The following OVOL2 variants were observed in gnomAD, a reference collection of about 807,000 sequenced individuals.
OVOL2 encodes transcription factor Ovo-like 2.
OVOL2 carries 13 observed loss-of-function variants against 18.1 expected under a neutral mutation model. That is an observed-to-expected ratio of 0.72 (90% confidence interval 0.47 to 1.14). The LOEUF is 1.14. OVOL2 is among the 50% of genes most tolerant of loss of function. OVOL2 has a pLI of 0.00. For synonymous variants in OVOL2, 166 were observed against 162.7 expected, an observed-to-expected ratio of 1.02 and a Z score of -0.16; for missense variants, 335 against 383.0, an observed-to-expected ratio of 0.87 and a Z score of 1.05.
At chr20:18,050,482 T>A (rs2036762485) in intron 2 of OVOL2, among the ~76,000 whole-genome samples, 1 of 152,232 alleles carries the variant, frequency 6.6e-6, no homozygotes, top group Admixed American at 6.5e-5. Flanking sequence ...TACCTTTCTC[T>A]GCTTAAACTA....
At chr20:18,049,171 T>C (rs2036749702) in intron 2 of OVOL2, among the ~76,000 whole-genome samples, 2 of 152,148 alleles carry the variant, frequency 1.3e-5, no homozygotes, top group Non-Finnish European at 1.5e-5. Context: ...ATGTGCAAAA[T>C]TCTCCTCAAG....
intron 3 of OVOL2, among the ~76,000 whole-genome samples, chr20:18,035,265 A>G (rs2122700076): frequency 6.6e-6 from 1 of 152,342 alleles, no homozygotes; most frequent in East Asian, 1.9e-4. Context: ...AGTCTGGCCA[A>G]CATGGTGAAA....
Position 18,057,732 on chromosome 20 carries a change from C to T in OVOL2, c.-98G>A, listed in dbSNP as rs1039390292. ...CGTCCCCGGCTCCCGGCGGCCAGAG[C>T]CCACCTTCCCGCCTCGCCTGCCCTC... On this transcript the variant is annotated 5_prime_UTR_variant, in exon 1 of 4. Coordinates refer to ENST00000278780, the MANE Select transcript of OVOL2 (RefSeq NM_021220.4). The surrounding 1 kb of genome is among the most constrained non-coding windows in gnomAD (Gnocchi z 6.3). 14 of 1,451,378 alleles carry T rather than the reference C, an allele frequency of 9.6e-6. No homozygotes were observed. Among genetic ancestry groups the T allele is most frequent in the Middle Eastern group, 2.2e-4 (1 of 4,596 alleles). The allele number at this position is 1,451,378 out of a possible 1,614,324, so 89.9% of individuals were successfully genotyped here.
intron 3 of OVOL2, among the ~76,000 whole-genome samples, chr20:18,038,271 A>G (rs1243684419): frequency 6.6e-6 from 1 of 152,198 alleles, no homozygotes; most frequent in Non-Finnish European, 1.5e-5. Context: ...TTGCAATTTT[A>G]CTACTAATAA....
intron 3 of OVOL2, among the ~76,000 whole-genome samples, chr20:18,041,043 G>A (rs983271071): frequency 1.3e-5 from 2 of 152,186 alleles, no homozygotes; most frequent in Non-Finnish European, 2.9e-5. Flanking sequence ...ATTTTACAGG[G>A]GTGAAAGGCA....
At chr20:18,039,657 AAGAGGAAAAC>A (rs1200447583) in intron 3 of OVOL2, among the ~76,000 whole-genome samples, 1 of 151,690 alleles carries the variant, frequency 6.6e-6, no homozygotes, top group Non-Finnish European at 1.5e-5. Flanking sequence ...AAAGTTTTAA[AAGAGGAAAAC>A]AGAAAAGAAC....
Position 18,041,739 on chromosome 20 carries a change from G to T in OVOL2, c.322-16C>A, listed in dbSNP as rs1270048810. 3.1e-6 allele frequency: 5 copies of T among 1,599,978 alleles called. No homozygotes were observed. The African/African-American group carries it at 4.0e-5, about 13-fold the overall frequency. ...CTGTGGTGAACTGGGGGCAGAGAGA[G>T]GCCATGAGGGTCCCCGGGCAGGCAG... On this transcript the variant is annotated splice_polypyrimidine_tract_variant and intron_variant, in intron 2 of 3. Transcript: ENST00000278780.
chr20:18,039,377 T>C (rs1211087347), intron 3 of OVOL2, among the ~76,000 whole-genome samples: 1 of 152,010 alleles, frequency 6.6e-6, no homozygotes, highest in Non-Finnish European at 1.5e-5. Context: ...ATTCCAGCAT[T>C]TTGGGAGGCC....
chr20:18,053,199 T>C (rs973322974), intron 2 of OVOL2, among the ~76,000 whole-genome samples: 5 of 152,206 alleles, frequency 3.3e-5, no homozygotes, highest in African/African-American at 9.7e-5. Context: ...GCCAACAAAA[T>C]GTTGGGCATT....
chr20:18,025,775 C>T (rs529629775), intron 3 of OVOL2, among the ~76,000 whole-genome samples: 90 of 152,338 alleles, frequency 5.9e-4, no homozygotes, highest in Non-Finnish European at 8.5e-4. Context: ...CGCAGGGAGA[C>T]AGTGTGGCAC....
At chr20:18,030,514 A>C (rs1328630336) in intron 3 of OVOL2, among the ~76,000 whole-genome samples, 1 of 152,156 alleles carries the variant, frequency 6.6e-6, no homozygotes, top group Admixed American at 6.6e-5. Context: ...ACTCAGCCCC[A>C]TGTGCACAGG....
chr20:18,057,446 C>T lies in OVOL2; in HGVS notation c.100+89G>A. On this transcript the variant is annotated intron_variant, in intron 1 of 3. Coordinates refer to ENST00000278780, the MANE Select transcript of OVOL2 (RefSeq NM_021220.4). The surrounding 1 kb of genome is among the most constrained non-coding windows in gnomAD (Gnocchi z 6.3). The stretch of plus-strand genomic sequence containing the variant: ...GGAAGAGGGGGATGAGGTGGGGAGC[C>T]CGCCCCTGCCGATGAGCAGAGAAGA... The T allele has an allele frequency of 6.9e-7, 1 of 1,441,210 alleles. No homozygotes were observed. Among genetic ancestry groups the T allele is most frequent in the Non-Finnish European group, 9.4e-7 (1 of 1,066,432 alleles). The allele number at this position is 1,441,210 out of a possible 1,614,324, so 89.3% of individuals were successfully genotyped here. A position where few individuals can be genotyped will look rare whatever the true frequency, so the allele number is the denominator to read the frequency against.
At chr20:18,053,822 C>T (rs2036792504) in intron 2 of OVOL2, among the ~76,000 whole-genome samples, 1 of 152,148 alleles carries the variant, frequency 6.6e-6, no homozygotes, top group South Asian at 2.1e-4. Context: ...CCATCTCACC[C>T]TGTCCTGGTT....
At chr20:18,041,482 G>A in intron 3 of OVOL2, 52 bp downstream of exon 3, 2 of 1,564,008 alleles carry the variant, frequency 1.3e-6, no homozygotes, top group Non-Finnish European at 1.7e-6. Context: ...AGAAACAGGA[G>A]CTCTTGGCCA....
At chr20:18,037,763 T>A (rs542946037) in intron 3 of OVOL2, among the ~76,000 whole-genome samples, 6 of 152,234 alleles carry the variant, frequency 3.9e-5, no homozygotes, top group Admixed American at 1.3e-4. Context: ...CTTCAGAGGA[T>A]CTCCAGTGGG....
chr20:18,033,831 G>A (rs1005754390), intron 3 of OVOL2, among the ~76,000 whole-genome samples: 2 of 151,992 alleles, frequency 1.3e-5, no homozygotes, highest in African/African-American at 2.4e-5. Context: ...AAACCAAATC[G>A]TTTACTTCAA....
intron 3 of OVOL2, among the ~76,000 whole-genome samples, chr20:18,033,468 G>A (rs2122697173): frequency 6.6e-6 from 1 of 152,334 alleles, no homozygotes; most frequent in Middle Eastern, 3.4e-3. Flanking sequence ...CCTTAGCTGG[G>A]AGCCCCACGG....
At chr20:18,034,619 C>G (rs947560230) in intron 3 of OVOL2, among the ~76,000 whole-genome samples, 1 of 132,914 alleles carries the variant, frequency 7.5e-6, no homozygotes, top group African/African-American at 3.2e-5. Flanking sequence ...ACACTCCCTT[C>G]CCCTCTTTCT....
At chr20:18,029,529 T>C (rs934118478) in intron 3 of OVOL2, among the ~76,000 whole-genome samples, 1 of 152,122 alleles carries the variant, frequency 6.6e-6, no homozygotes, top group African/African-American at 2.4e-5. Flanking sequence ...GGAGAGACGG[T>C]CTGGAGGGTG....
Sources: allele counts gnomAD v4.1 joint callset (sites outside exome capture counted in the v4.1 genomes callset), GRCh38; gene constraint gnomAD v4.1.1; non-coding constraint Gnocchi (gnomAD v3.1); transcripts MANE v1.5; gene names NCBI Gene and HGNC (gene_info 2026-07-23, HGNC 2026-07-21).